CADM1: variants seen among roughly 807,000 people sequenced by gnomAD.
CADM1 encodes the protein TSLC-1.
Under a neutral mutation model 53.1 loss-of-function variants are expected in CADM1, and 15 were observed. The ratio of observed to expected loss-of-function variants is 0.28; its 90% CI spans 0.19 to 0.44. The LOEUF (loss-of-function observed/expected upper bound fraction) is 0.44. CADM1 is among the 20% of genes least tolerant of loss of function. The pLI, the probability that CADM1 is intolerant of heterozygous loss-of-function variation, is 1.00. For synonymous variants in CADM1, 281 were observed against 243.0 expected, an observed-to-expected ratio of 1.16 and a Z score of -1.45; for missense variants, 434 against 611.3, an observed-to-expected ratio of 0.71 and a Z score of 3.06.
At chr11:115,359,095 G>A (rs969613524) in intron 1 of CADM1, among the ~76,000 whole-genome samples, 5 of 152,116 alleles carry the variant, frequency 3.3e-5, no homozygotes, top group African/African-American at 1.2e-4. Context: ...ACTACAAAAT[G>A]AAGGCACATC....
chr11:115,288,633 G>A (rs1235388886), intron 1 of CADM1, among the ~76,000 whole-genome samples: 1 of 152,084 alleles, frequency 6.6e-6, no homozygotes, highest in Non-Finnish European at 1.5e-5. Context: ...ACTTCACAGG[G>A]CAGTCAGGTA....
At chr11:115,297,384 T>C (rs1034998206) in intron 1 of CADM1, among the ~76,000 whole-genome samples, 1 of 152,210 alleles carries the variant, frequency 6.6e-6, no homozygotes, top group Non-Finnish European at 1.5e-5. Flanking sequence ...AAAAGGCTTC[T>C]TTGATCATTA....
At chr11:115,308,937 C>A (rs1565356958) in intron 1 of CADM1, among the ~76,000 whole-genome samples, 2 of 151,910 alleles carry the variant, frequency 1.3e-5, no homozygotes, top group Admixed American at 6.6e-5. Flanking sequence ...TCTATATAGA[C>A]AATGAGTATT....
At position 115,458,071 on chromosome 11, in the gene CADM1, G is replaced by A. The variant is rs944613527; in HGVS notation, c.124+46200C>T. Among the ~76,000 whole-genome samples the A allele has an allele frequency of 4.6e-5, 7 of 151,736 alleles. No homozygotes were observed. In the East Asian group the frequency reaches 1.2e-3, roughly 25 times the overall value. ...GGTGTACTCTTCTCTTTCCCCTGTGGGTCTCAGCTGTGGAAGCAATAAGCT... is the reference window on the plus strand; with the variant it reads ...GGTGTACTCTTCTCTTTCCCCTGTGAGTCTCAGCTGTGGAAGCAATAAGCT... On this transcript the variant is annotated intron_variant, in intron 1 of 11. Coordinates refer to ENST00000331581, the MANE Select transcript of CADM1 (RefSeq NM_001301043.2).
chr11:115,351,653 C>A (rs944532931), intron 1 of CADM1, among the ~76,000 whole-genome samples: 9 of 152,170 alleles, frequency 5.9e-5, no homozygotes, highest in African/African-American at 2.2e-4. Context: ...AGAAGCAATT[C>A]TCCAGATATG....
At chr11:115,252,063 C>T (rs879731830) in intron 1 of CADM1, among the ~76,000 whole-genome samples, 2 of 152,056 alleles carry the variant, frequency 1.3e-5, no homozygotes, top group Non-Finnish European at 2.9e-5. Flanking sequence ...AAGAACATTA[C>T]CTATGACTTA....
intron 1 of CADM1, among the ~76,000 whole-genome samples, chr11:115,462,498 A>T (rs1948817664): frequency 6.6e-6 from 1 of 152,112 alleles, no homozygotes; most frequent in African/African-American, 2.4e-5. Context: ...AGGTGTACCG[A>T]CATCATCAGC....
intron 1 of CADM1, among the ~76,000 whole-genome samples, chr11:115,413,383 T>C (rs1003531764): frequency 6.6e-6 from 1 of 152,184 alleles, no homozygotes; most frequent in Non-Finnish European, 1.5e-5. Context: ...CCCTATAATA[T>C]TCATAATAAT....
rs1214817904 is a variant in CADM1 at position 115,169,850 on chromosome 11, A to C, written c.*6624T>G. 1 of 267,900 alleles carries C rather than the reference A, an allele frequency of 3.7e-6. No individual in the cohort carries two copies. Among genetic ancestry groups the C allele is most frequent in the Non-Finnish European group, 7.5e-6 (1 of 133,676 alleles). 16.6% of individuals were successfully genotyped at this position (267,900 alleles called of 1,614,324 possible). A position where few individuals can be genotyped will look rare whatever the true frequency, so the allele number is the denominator to read the frequency against. ...ACACAACTACAGAGAAAACAAACCAAAAAGAGTAATAAAGTCACACATTTC... is the reference window on the plus strand; with the variant it reads ...ACACAACTACAGAGAAAACAAACCACAAAGAGTAATAAAGTCACACATTTC... On this transcript the variant is annotated 3_prime_UTR_variant, in exon 12 of 12. Coordinates refer to ENST00000331581, the MANE Select transcript of CADM1 (RefSeq NM_001301043.2).
At position 115,404,370 on chromosome 11, in the gene CADM1, T is replaced by A. The variant is rs1437857101; in HGVS notation, c.124+99901A>T. ...AAATATATATATATATATATATATA[T>A]ATATATATATATATATATGGCCCAT... On this transcript the variant is annotated intron_variant, in intron 1 of 11. Transcript: ENST00000331581. Among the ~76,000 whole-genome samples the A allele has an allele frequency of 6.4e-3, 311 of 48,696 alleles. 24 individuals are homozygous for A. Among genetic ancestry groups the A allele is most frequent in the Non-Finnish European group, 0.011 (200 of 18,452 alleles). 31.9% of individuals were successfully genotyped at this position (48,696 alleles called of 152,430 possible).
chr11:115,439,620 T>C (rs895756924), intron 1 of CADM1, among the ~76,000 whole-genome samples: 11 of 152,222 alleles, frequency 7.2e-5, no homozygotes, highest in African/African-American at 1.9e-4. Context: ...CACAGCAATA[T>C]TGAAGGCATA....
At chr11:115,475,814 A>G (rs1396282147) in intron 1 of CADM1, among the ~76,000 whole-genome samples, 1 of 152,198 alleles carries the variant, frequency 6.6e-6, no homozygotes, top group Non-Finnish European at 1.5e-5. Context: ...CCATGAGGGG[A>G]TCCGGGTGAG....
chr11:115,456,384 G>A (rs1034404138), intron 1 of CADM1, among the ~76,000 whole-genome samples: 9 of 151,914 alleles, frequency 5.9e-5, no homozygotes, highest in Admixed American at 3.3e-4. Context: ...GGTCAGGGAG[G>A]AGAATAACTA....
At chr11:115,309,042 A>G (rs148357338) in intron 1 of CADM1, among the ~76,000 whole-genome samples, 301 of 152,216 alleles carry the variant, frequency 2.0e-3, no homozygotes, top group African/African-American at 6.8e-3. Flanking sequence ...CACAATTTAG[A>G]ATTAAGTCAG....
chr11:115,263,106 C>T (rs956459835), intron 1 of CADM1, among the ~76,000 whole-genome samples: 2 of 152,202 alleles, frequency 1.3e-5, no homozygotes, highest in African/African-American at 4.8e-5. Flanking sequence ...GCGACGCGCC[C>T]CTTCATTGCA....
intron 1 of CADM1, among the ~76,000 whole-genome samples, 182 bp from the exon 2 acceptor site, chr11:115,240,602 G>C (rs1942193910): frequency 6.6e-6 from 1 of 152,104 alleles, no homozygotes; most frequent in African/African-American, 2.4e-5. Flanking sequence ...GACAGATCAA[G>C]GGACAAAATA....
At chr11:115,377,596 G>A (rs997530779) in intron 1 of CADM1, 13 of 152,092 alleles carry the variant, frequency 8.5e-5, no homozygotes, top group African/African-American at 1.9e-4. Flanking sequence ...GATAATAATC[G>A]CCAAAGCTCA....
chr11:115,486,764 A>G (rs1471390122), intron 1 of CADM1, among the ~76,000 whole-genome samples: 2 of 152,166 alleles, frequency 1.3e-5, no homozygotes, highest in African/African-American at 2.4e-5. Context: ...CTTTATTCAC[A>G]TGGTTCTCCT....
intron 1 of CADM1, among the ~76,000 whole-genome samples, chr11:115,441,778 C>G (rs1224644767): frequency 6.6e-6 from 1 of 152,132 alleles, no homozygotes; most frequent in African/African-American, 2.4e-5. Context: ...CAACTCTTGA[C>G]AGCCCTGAGA....
Sources: allele counts gnomAD v4.1 joint callset (sites outside exome capture counted in the v4.1 genomes callset), GRCh38; gene constraint gnomAD v4.1.1; transcripts MANE v1.5; gene names NCBI Gene and HGNC (gene_info 2026-07-23, HGNC 2026-07-21).